The following SHB variants were observed in gnomAD, a reference collection of about 807,000 sequenced individuals.
SHB encodes SH2 domain-containing adapter protein B.
SHB carries 20 observed loss-of-function variants against 52.3 expected under a neutral mutation model. The ratio of observed to expected loss-of-function variants is 0.38; its 90% CI spans 0.27 to 0.56. The LOEUF (loss-of-function observed/expected upper bound fraction) is 0.56. SHB is among the 20% of genes least tolerant of loss of function. SHB has a pLI of 0.71. For synonymous variants in SHB, 397 were observed against 316.5 expected (o/e 1.25, Z -2.70); for missense variants, 825 against 723.3 (o/e 1.14, Z -1.61).
chr9:37,989,337 C>G (rs1820852929), intron 2 of SHB, among the ~76,000 whole-genome samples: 1 of 152,194 alleles, frequency 6.6e-6, no homozygotes, highest in African/African-American at 2.4e-5. Context: ...AAGAACGAGG[C>G]ATGCAGCCAA....
chr9:38,009,335 C>A lies in SHB; in HGVS notation c.838+6676G>T, dbSNP rs1821108637. On this transcript the variant is annotated intron_variant, in intron 2 of 5. Coordinates refer to ENST00000377707, the MANE Select transcript of SHB (RefSeq NM_003028.3). ...GGCAGGACCCTCAGGACTGTTAGAA[C>A]CAGGCCTGACAAGGGCAGCTGGAGA... Among the ~76,000 whole-genome samples, 5 of 152,314 alleles carry A rather than the reference C, an allele frequency of 3.3e-5. 1 individual carries two copies. The South Asian group carries it at 1.0e-3, about 32-fold the overall frequency.
In SHB at chr9:37,926,927, G is replaced by A. The variant is rs548968138; in HGVS notation, c.1347-6923C>T. The stretch of plus-strand genomic sequence containing the variant: ...GCAGATCCCACTCACACAGGGCCTG[G>A]CCTACCTCTGGCATGGCTGAGAAGA... On this transcript the variant is annotated intron_variant, in intron 5 of 5. Transcript: ENST00000377707. Among the ~76,000 whole-genome samples, 56 of 152,330 alleles carry A rather than the reference G, an allele frequency of 3.7e-4. 1 individual carries two copies. Among genetic ancestry groups the A allele is most frequent in the South Asian group, 3.3e-3 (16 of 4,826 alleles).
At chr9:38,020,355 A>C (rs566021210) in intron 1 of SHB, among the ~76,000 whole-genome samples, 89 of 152,360 alleles carry the variant, frequency 5.8e-4, no homozygotes, top group African/African-American at 1.8e-3. Context: ...TTTAACAAGC[A>C]AGCCAGGTGA....
intron 4 of SHB, among the ~76,000 whole-genome samples, chr9:37,953,966 AAG>A (rs1327608221): frequency 6.6e-6 from 1 of 152,094 alleles, no homozygotes; most frequent in Non-Finnish European, 1.5e-5. Flanking sequence ...TGGGAAAGGA[AAG>A]AGAGCCCAAC....
intron 3 of SHB, among the ~76,000 whole-genome samples, chr9:37,961,703 C>G (rs1047157416): frequency 6.6e-6 from 1 of 152,154 alleles, no homozygotes; most frequent in Non-Finnish European, 1.5e-5. Flanking sequence ...CTGCAAAAAC[C>G]CCAGCTATTC....
At position 37,941,430 on chromosome 9, in the gene SHB, A is replaced by G. The variant is rs529442082; in HGVS notation, c.1346+7205T>C. On this transcript the variant is annotated intron_variant, in intron 5 of 5. Transcript: ENST00000377707. ...CTTTGCCCAACACTACCCTGTTAGT[A>G]TGTGGCGGAGCTGGGTTTCAAGAGC... 5.9e-5 allele frequency among the ~76,000 whole-genome samples: 9 copies of G among 152,336 alleles called. No individual in the cohort carries two copies. In the South Asian group the frequency reaches 1.9e-3, roughly 32 times the overall value.
intron 2 of SHB, among the ~76,000 whole-genome samples, chr9:38,010,855 C>T (rs1360623201): frequency 6.6e-6 from 1 of 152,244 alleles, no homozygotes; most frequent in African/African-American, 2.4e-5. Flanking sequence ...CCAGCACTGG[C>T]AAGGGTGCAA....
intron 2 of SHB, among the ~76,000 whole-genome samples, chr9:37,998,146 C>A (rs1820972374): frequency 6.7e-6 from 1 of 149,636 alleles, no homozygotes; most frequent in African/African-American, 2.4e-5. Flanking sequence ...TACAGCATTC[C>A]TGTTGCTCTG....
At chr9:38,035,912 T>C (rs904017295) in intron 1 of SHB, among the ~76,000 whole-genome samples, 3 of 152,088 alleles carry the variant, frequency 2.0e-5, no homozygotes, top group Non-Finnish European at 2.9e-5. Context: ...AAAGCTCCCC[T>C]AGGAGCTTGG....
chr9:38,059,198 A>G (rs1821860417), intron 1 of SHB, among the ~76,000 whole-genome samples: 1 of 152,206 alleles, frequency 6.6e-6, no homozygotes, highest in Non-Finnish European at 1.5e-5. Flanking sequence ...TCCAGCCTGT[A>G]AGTCAAGGCC....
chr9:38,068,308 T>G lies in SHB; in HGVS notation c.338A>C (p.Asp113Ala), dbSNP rs771050874. The G allele has an allele frequency of 6.6e-7, 1 of 1,514,918 alleles. No homozygotes were observed. Among genetic ancestry groups the G allele is most frequent in the Non-Finnish European group, 8.8e-7 (1 of 1,137,098 alleles). 93.8% of individuals were successfully genotyped at this position (1,514,918 alleles called of 1,614,324 possible). ...TGGCTCCCCGCTGCCGCCGCAGTAG[T>G]CCAGGCGGCACATGGCGCGCAGTTT... ...LRKLRAMCRL[D>A]YCGGSGEPGG... The change falls in exon 1 of 6, where the codon GAC becomes GCC. Residue 113 changes from aspartate to alanine, a missense_variant. Transcript: ENST00000377707.
At chr9:37,938,437 T>C (rs1183387415) in intron 5 of SHB, among the ~76,000 whole-genome samples, 1 of 152,226 alleles carries the variant, frequency 6.6e-6, no homozygotes, top group Non-Finnish European at 1.5e-5. Context: ...AGATGGCTTT[T>C]GCAAAAATAT....
intron 5 of SHB, among the ~76,000 whole-genome samples, chr9:37,946,370 G>T (rs1179967822): frequency 6.6e-6 from 1 of 152,224 alleles, no homozygotes; most frequent in Non-Finnish European, 1.5e-5. Flanking sequence ...GCTGACATCT[G>T]GGCCTGCTTT....
At chr9:38,037,732 G>T (rs977497694) in intron 1 of SHB, among the ~76,000 whole-genome samples, 1 of 152,162 alleles carries the variant, frequency 6.6e-6, no homozygotes, top group East Asian at 1.9e-4. Context: ...TCTGAGCCCT[G>T]AAGTTCTGTC....
intron 1 of SHB, among the ~76,000 whole-genome samples, chr9:38,036,433 A>G (rs1314460451): frequency 6.6e-6 from 1 of 152,222 alleles, no homozygotes. Context: ...CAATGACACC[A>G]CTAAAGACTT....
chr9:37,997,201 C>T (rs774018414), intron 2 of SHB, among the ~76,000 whole-genome samples: 1 of 152,188 alleles, frequency 6.6e-6, no homozygotes, highest in Admixed American at 6.5e-5. Context: ...GCAGCCATGC[C>T]GGCCACAGGC....
Position 38,068,526 on chromosome 9 carries a change from G to T in SHB, c.120C>A (p.Pro40=), listed in dbSNP as rs368541696. The stretch of plus-strand genomic sequence containing the variant: ...AGGAGGCCTGCGGCACGGCCTGGGG[G>T]GGCTGCGAAGGCCGCTCGCCTCGGC... ...QRRRGERPSQ[P]PQAVPQASSA... is the part of the protein sequence containing the mutation. The change falls in exon 1 of 6, where the codon CCC becomes CCA. Residue 40 remains proline (P), a synonymous_variant. Transcript: ENST00000377707. 1.0e-5 allele frequency: 15 copies of T among 1,457,698 alleles called. No homozygotes were observed. The highest frequency in any genetic ancestry group is 1.5e-5 in the African/African-American group (1 of 67,634). 90.3% of individuals were successfully genotyped at this position (1,457,698 alleles called of 1,614,324 possible). A position where few individuals can be genotyped will look rare whatever the true frequency, so the allele number is the denominator to read the frequency against.
rs1463643854 is a variant in SHB, at chr9:37,917,485, C to T, written c.*2336G>A. Among the ~76,000 whole-genome samples, 1 of 152,196 alleles carries T rather than the reference C, an allele frequency of 6.6e-6. No individual in the cohort carries two copies. The highest frequency in any genetic ancestry group is 1.5e-5 in the Non-Finnish European group (1 of 68,032). On this transcript the variant is annotated 3_prime_UTR_variant, in exon 6 of 6. Coordinates refer to ENST00000377707, the MANE Select transcript of SHB (RefSeq NM_003028.3). ...TACAGGGAAGGACCGTGAGGTGCGG[C>T]CCCACCCAGCAGCCTCAGGAAGTGG...
chr9:37,929,832 G>A (rs1358093958), intron 5 of SHB, among the ~76,000 whole-genome samples: 1 of 152,246 alleles, frequency 6.6e-6, no homozygotes, highest in Non-Finnish European at 1.5e-5. Flanking sequence ...AGCTGGGCGT[G>A]GTGACTCATG....
Sources: gnomAD v4.1 joint callset for allele counts (sites outside exome capture counted in the v4.1 genomes callset) on GRCh38, gnomAD v4.1.1 for gene constraint, MANE v1.5 for transcripts, NCBI Gene and HGNC (gene_info 2026-07-23, HGNC 2026-07-21) for gene names.